The following CTNNA3 variants were observed in gnomAD, a reference collection of about 807,000 sequenced individuals.
The protein encoded by CTNNA3 is catenin alpha-3.
A neutral mutation model predicts 95.7 loss-of-function variants in CTNNA3; 76 were observed. The ratio of observed to expected loss-of-function variants is 0.79; its 90% confidence interval spans 0.66 to 0.96. The LOEUF (loss-of-function observed/expected upper bound fraction) is 0.96. Ranked by LOEUF, CTNNA3 falls within the 40% of genes least tolerant of loss-of-function variation. The pLI is 0.00. For synonymous variants in CTNNA3, 431 were observed against 374.4 expected, an observed-to-expected ratio of 1.15 and a Z score of -1.74; for missense variants, 1,191 against 1,089.8, an observed-to-expected ratio of 1.09 and a Z score of -1.31.
chr10:66,908,035 T>A (rs1182057970), intron 7 of CTNNA3, among the ~76,000 whole-genome samples: 1 of 152,212 alleles, frequency 6.6e-6, no homozygotes, highest in African/African-American at 2.4e-5. Context: ...GGGAATTGTC[T>A]ACTTGAAAGT....
intron 13 of CTNNA3, among the ~76,000 whole-genome samples, chr10:66,141,832 G>A (rs180938900): frequency 6.6e-6 from 1 of 152,122 alleles, no homozygotes. Context: ...TTCAAGCATT[G>A]CCAACAAATT....
intron 7 of CTNNA3, among the ~76,000 whole-genome samples, chr10:67,137,219 G>A (rs1427386699): frequency 6.6e-6 from 1 of 152,026 alleles, no homozygotes; most frequent in African/African-American, 2.4e-5. Flanking sequence ...ACAGATAGAT[G>A]GAAAAGTATG....
intron 7 of CTNNA3, among the ~76,000 whole-genome samples, chr10:67,115,679 TA>T (rs1859145699): frequency 6.6e-6 from 1 of 151,388 alleles, no homozygotes; most frequent in African/African-American, 2.4e-5. Flanking sequence ...AAAATAAAAA[TA>T]AAAATAAATA....
intron 7 of CTNNA3, among the ~76,000 whole-genome samples, chr10:66,845,676 CT>C (rs1490111357): frequency 1.2e-5 from 1 of 86,528 alleles, no homozygotes; most frequent in African/African-American, 4.9e-5. Context: ...GCACTCCAGC[CT>C]GGGTAACAAC....
intron 7 of CTNNA3, among the ~76,000 whole-genome samples, chr10:66,871,454 C>A (rs1405239671): frequency 6.6e-6 from 1 of 150,552 alleles, no homozygotes; most frequent in East Asian, 2.0e-4. Flanking sequence ...CCCAGCTACT[C>A]GGGAGGCTGA....
intron 3 of CTNNA3, among the ~76,000 whole-genome samples, chr10:67,575,077 G>C (rs760764139): frequency 1.3e-5 from 2 of 152,046 alleles, no homozygotes; most frequent in Non-Finnish European, 2.9e-5. Flanking sequence ...ACAACCCCTG[G>C]GCCACTCAGA....
intron 9 of CTNNA3, among the ~76,000 whole-genome samples, chr10:66,655,310 T>G (rs1301934669): frequency 6.6e-6 from 1 of 152,078 alleles, no homozygotes; most frequent in East Asian, 1.9e-4. Context: ...TCATGTTTCT[T>G]TTTTGAAAAG....
At chr10:67,567,815 C>G (rs1841859928) in intron 3 of CTNNA3, among the ~76,000 whole-genome samples, 1 of 152,100 alleles carries the variant, frequency 6.6e-6, no homozygotes, top group Non-Finnish European at 1.5e-5. Context: ...CCAAGGTCAT[C>G]AAGAGTCAGT....
At chr10:67,609,109 A>AAAC (rs1167619058) in intron 2 of CTNNA3, among the ~76,000 whole-genome samples, 21 of 151,852 alleles carry the variant, frequency 1.4e-4, no homozygotes, top group African/African-American at 4.8e-4. Context: ...AAAAAAAAAA[A>AAAC]ACAACCCATT....
chr10:67,122,439 C>T (rs909322692), intron 7 of CTNNA3, among the ~76,000 whole-genome samples: 8 of 151,972 alleles, frequency 5.3e-5, no homozygotes, highest in African/African-American at 1.9e-4. Flanking sequence ...ACGCTGAATA[C>T]AGTCAAAAGA....
At chr10:67,113,739 A>C (rs1859025506) in intron 7 of CTNNA3, among the ~76,000 whole-genome samples, 1 of 152,156 alleles carries the variant, frequency 6.6e-6, no homozygotes, top group Non-Finnish European at 1.5e-5. Flanking sequence ...TGGAAGAATA[A>C]ATGTTTGGAT....
chr10:65,943,208 C>G (rs1480051624), intron 17 of CTNNA3, among the ~76,000 whole-genome samples: 3 of 152,006 alleles, frequency 2.0e-5, no homozygotes, highest in Non-Finnish European at 4.4e-5. Context: ...GGACTACAGG[C>G]GCCCACCACC....
chr10:65,987,879 T>C (rs1355740505), intron 16 of CTNNA3, among the ~76,000 whole-genome samples: 2 of 152,064 alleles, frequency 1.3e-5, no homozygotes, highest in East Asian at 3.8e-4. Flanking sequence ...ATCCTGTCAT[T>C]TGTGGCAACA....
At chr10:65,948,183 A>T (rs1234448454) in intron 17 of CTNNA3, among the ~76,000 whole-genome samples, 5 of 150,078 alleles carry the variant, frequency 3.3e-5, no homozygotes. Flanking sequence ...CGGGAGACTG[A>T]GGCAGGAGAA....
At chr10:67,675,277 A>AT (rs1335741017) in intron 1 of CTNNA3, among the ~76,000 whole-genome samples, 1 of 152,154 alleles carries the variant, frequency 6.6e-6, no homozygotes, top group East Asian at 1.9e-4. Context: ...ATAACACCAT[A>AT]TAAAAAAAAC....
intron 5 of CTNNA3, among the ~76,000 whole-genome samples, chr10:67,485,478 C>A (rs890897501): frequency 9.2e-5 from 14 of 152,122 alleles, no homozygotes; most frequent in Admixed American, 7.9e-4. Context: ...CAAACCTGCA[C>A]ATGTACCCCT....
At chr10:65,973,076 TTTGACAAAG>T (rs2078142398) in intron 16 of CTNNA3, among the ~76,000 whole-genome samples, 1 of 152,176 alleles carries the variant, frequency 6.6e-6, no homozygotes, top group African/African-American at 2.4e-5. Context: ...CCATCTGATC[TTTGACAAAG>T]TTGACAAAAA....
chr10:66,725,542 T>G (rs575633051), intron 9 of CTNNA3, among the ~76,000 whole-genome samples: 1 of 152,192 alleles, frequency 6.6e-6, no homozygotes, highest in African/African-American at 2.4e-5. Context: ...AAGTAGAGCT[T>G]TAATGCCCTC....
chr10:66,107,524 G>A (rs2081956887), intron 13 of CTNNA3, among the ~76,000 whole-genome samples: 2 of 152,130 alleles, frequency 1.3e-5, no homozygotes, highest in African/African-American at 2.4e-5. Flanking sequence ...AAATATAGAA[G>A]TTGAAGCTGA....
Sources: allele counts gnomAD v4.1 joint callset (sites outside exome capture counted in the v4.1 genomes callset), GRCh38; gene constraint gnomAD v4.1.1; transcripts MANE v1.5; gene names NCBI Gene and HGNC (gene_info 2026-07-23, HGNC 2026-07-21).